MXRA7: variants seen among roughly 807,000 people sequenced by gnomAD.
MXRA7 encodes matrix remodeling associated 7, also known as matrix-remodeling-associated protein 7.
Under a neutral mutation model 17.4 loss-of-function variants are expected in MXRA7, and 18 were observed. The observed-to-expected ratio is 1.03, with a 90% CI of 0.71 to 1.53. The LOEUF is 1.53. MXRA7 is among the 40% of genes most tolerant of loss of function. MXRA7 has a pLI of 0.00. For synonymous variants in MXRA7, 70 were observed against 101.7 expected (o/e 0.69, Z 1.87); for missense variants, 141 against 209.3 (o/e 0.67, Z 2.01).
chr17:76,704,494 C>T lies in MXRA7; in HGVS notation c.342+6111G>A, dbSNP rs1405387737. Among the ~76,000 whole-genome samples, 10 of 149,000 alleles carry T rather than the reference C, an allele frequency of 6.7e-5. 2 individuals are homozygous for T. The highest frequency in any genetic ancestry group is 5.3e-4 in the Admixed American group (8 of 15,082). ...TGCTAGGTTTACAGTCGTGAGCCAC[C>T]GCGCCCGGCCAGCTTTTTTTTTTTT... On this transcript the variant is annotated intron_variant, in intron 1 of 3. Coordinates refer to ENST00000449428, the MANE Select transcript of MXRA7 (RefSeq NM_198530.4).
intron 1 of MXRA7, among the ~76,000 whole-genome samples, chr17:76,708,076 C>T (rs889960727): frequency 2.0e-5 from 3 of 152,232 alleles, no homozygotes; most frequent in Non-Finnish European, 4.4e-5. Flanking sequence ...TCCAGGGTCT[C>T]GGCCTATAGT....
chr17:76,709,208 T>C (rs945293748), intron 1 of MXRA7, among the ~76,000 whole-genome samples: 6 of 152,046 alleles, frequency 3.9e-5, no homozygotes, highest in Non-Finnish European at 8.8e-5. Flanking sequence ...ACTGACTGAG[T>C]GTGCATGACG....
intron 1 of MXRA7, among the ~76,000 whole-genome samples, chr17:76,705,279 C>G (rs2076643344): frequency 6.6e-6 from 1 of 152,176 alleles, no homozygotes; most frequent in South Asian, 2.1e-4. Flanking sequence ...GTTAGGCACT[C>G]AAACAACTTT....
intron 1 of MXRA7, among the ~76,000 whole-genome samples, chr17:76,699,355 A>C (rs1229207624): frequency 1.3e-5 from 2 of 152,072 alleles, no homozygotes; most frequent in Non-Finnish European, 2.9e-5. Context: ...TATGTTGCTC[A>C]GAGTGGTCTC....
intron 1 of MXRA7, among the ~76,000 whole-genome samples, chr17:76,698,122 T>TGA (rs1446301940): frequency 6.6e-6 from 1 of 152,138 alleles, no homozygotes; most frequent in Non-Finnish European, 1.5e-5. Flanking sequence ...TAATCCAGAA[T>TGA]GACTTTAGAG....
intron 1 of MXRA7, among the ~76,000 whole-genome samples, chr17:76,701,895 A>G (rs2076595644): frequency 6.6e-6 from 1 of 152,210 alleles, no homozygotes; most frequent in African/African-American, 2.4e-5. Flanking sequence ...ATTCAATCCT[A>G]TCAGATTTAA....
downstream of MXRA7, chr17:76,676,098 T>C (rs1455656512): frequency 1.3e-5 from 2 of 152,224 alleles, no homozygotes; most frequent in Non-Finnish European, 2.9e-5. Context: ...ATCCCCATCA[T>C]TGTATGTTCA....
chr17:76,706,175 AGAGGCCCACG>A (rs2076654078), intron 1 of MXRA7, among the ~76,000 whole-genome samples: 1 of 147,276 alleles, frequency 6.8e-6, no homozygotes, highest in African/African-American at 2.5e-5. Context: ...CTGCCGTCAC[AGAGGCCCACG>A]CTGCCATCAC....
downstream of MXRA7, chr17:76,675,379 GAACA>G (rs1249476742): frequency 3.5e-5 from 5 of 141,120 alleles, no homozygotes; most frequent in African/African-American, 1.3e-4. Flanking sequence ...ACCTGAGACA[GAACA>G]AATAATTTTT....
intron 1 of MXRA7, among the ~76,000 whole-genome samples, chr17:76,694,309 C>T (rs542308546): frequency 2.6e-5 from 4 of 152,186 alleles, no homozygotes; most frequent in African/African-American, 9.6e-5. Context: ...CCACGGTGTC[C>T]GCCATCCACT....
chr17:76,697,938 AG>A (rs367682646), intron 1 of MXRA7, among the ~76,000 whole-genome samples: 1 of 144,254 alleles, frequency 6.9e-6, no homozygotes. Context: ...AGGCGGGGGG[AG>A]GGGAGAGAGA....
At chr17:76,710,579 G>A in intron 1 of MXRA7, 26 bp downstream of exon 1, 1 of 1,284,474 alleles carries the variant, frequency 7.8e-7, no homozygotes, top group Non-Finnish European at 9.8e-7. Context: ...GGGTGGGGAG[G>A]GGGCCGCGAG....
At chr17:76,695,301 C>T (rs1425676204) in intron 1 of MXRA7, among the ~76,000 whole-genome samples, 3 of 151,720 alleles carry the variant, frequency 2.0e-5, no homozygotes, top group East Asian at 3.9e-4. Flanking sequence ...AGACACAGTG[C>T]AATGGAGACA....
chr17:76,678,050 T>C (rs1369564755), downstream of MXRA7, among the ~76,000 whole-genome samples: 1 of 152,118 alleles, frequency 6.6e-6, no homozygotes, highest in Admixed American at 6.5e-5. Flanking sequence ...AGGAAGAAGA[T>C]AGGCTCCATG....
chr17:76,689,610 G>T (rs139895345), intron 1 of MXRA7: 1 of 152,312 alleles, frequency 6.6e-6, no homozygotes, highest in South Asian at 2.1e-4. Context: ...AAGAGGAGCC[G>T]CTCCATTTGA....
In MXRA7 at chr17:76,684,568, CCAA is replaced by C. The variant is rs534921897; in HGVS notation, c.500+501_500+503del. ...TCCAAATGGGAAGGGGGAGCCAATT[CCAA>C]CAACGAGAAGCCATAGCTGCACTGC... On this transcript the variant is annotated intron_variant, in intron 3 of 3. Coordinates refer to ENST00000449428, the MANE Select transcript of MXRA7 (RefSeq NM_198530.4). 326 of 329,372 alleles carry C rather than the reference CCAA, an allele frequency of 9.9e-4. 1 individual carries two copies. The highest frequency in any genetic ancestry group is 6.4e-3 in the African/African-American group (286 of 44,978). The allele number at this position is 329,372 out of a possible 1,614,324, so 20.4% of individuals were successfully genotyped here.
At chr17:76,709,015 AT>A (rs1427711765) in intron 1 of MXRA7, among the ~76,000 whole-genome samples, 1 of 152,126 alleles carries the variant, frequency 6.6e-6, no homozygotes, top group Admixed American at 6.5e-5. Context: ...GAGTGGCCCT[AT>A]TTAAACACCA....
At chr17:76,679,552 G>GA (rs2076271473), downstream of MXRA7, 4 of 968,690 alleles carry the variant, frequency 4.1e-6, no homozygotes, top group Non-Finnish European at 4.9e-6. Context: ...AAAGCAAACT[G>GA]AAAAAACACA....
intron 3 of MXRA7, 96 bp downstream of exon 3, chr17:76,684,976 G>T: frequency 1.0e-6 from 1 of 992,396 alleles, no homozygotes; most frequent in Non-Finnish European, 1.6e-6. Context: ...CTCCTTTCTG[G>T]GCCCTTCTGC....
Sources: allele counts gnomAD v4.1 joint callset (sites outside exome capture counted in the v4.1 genomes callset), GRCh38; gene constraint gnomAD v4.1.1; transcripts MANE v1.5; gene names NCBI Gene and HGNC (gene_info 2026-07-23, HGNC 2026-07-21).